SIN3B: variants seen among roughly 807,000 people sequenced by gnomAD.
SIN3B encodes SIN3 transcription regulator family member B.
SIN3B carries 19 observed loss-of-function variants against 120.2 expected under a neutral mutation model. The ratio of observed to expected loss-of-function variants is 0.16; its 90% CI spans 0.11 to 0.23. SIN3B has a LOEUF of 0.23. Among genes scored for constraint, SIN3B ranks in the 10% least tolerant of loss-of-function variants. The pLI, the probability that SIN3B is intolerant of heterozygous loss-of-function variation, is 1.00. For missense variants in SIN3B, 1,073 were observed against 1,573.0 expected, an observed-to-expected ratio of 0.68 and a Z score of 5.38; for synonymous variants, 654 against 653.2, an observed-to-expected ratio of 1.00 and a Z score of -0.02.
chr19:16,871,223 C>T lies in SIN3B; in HGVS notation c.2423-6C>T. The T allele has an allele frequency of 6.2e-7, 1 of 1,614,092 alleles. No homozygotes were observed. Among genetic ancestry groups the T allele is most frequent in the Non-Finnish European group, 8.5e-7 (1 of 1,179,958 alleles). ...GGCATATGGATGAGGCGGTGTGTCT[C>T]CGCAGGTGAAGTGGAGCTGGAGGAG... On this transcript the variant is annotated splice_polypyrimidine_tract_variant and splice_region_variant and intron_variant, in intron 13 of 18. Transcript: ENST00000248054.
intron 6 of SIN3B, among the ~76,000 whole-genome samples, chr19:16,852,363 A>T (rs1971556763): frequency 6.6e-6 from 1 of 152,126 alleles, no homozygotes; most frequent in South Asian, 2.1e-4. Flanking sequence ...TCTGGGCTCT[A>T]GCTGTCCTCT....
intron 8 of SIN3B, among the ~76,000 whole-genome samples, chr19:16,857,939 C>A (rs920121482): frequency 6.6e-6 from 1 of 152,062 alleles, no homozygotes; most frequent in South Asian, 2.1e-4. Context: ...TGCAATGGTG[C>A]GATCTCAGCT....
chr19:16,835,656 A>G (rs1224264309), intron 3 of SIN3B, among the ~76,000 whole-genome samples: 1 of 151,930 alleles, frequency 6.6e-6, no homozygotes, highest in Non-Finnish European at 1.5e-5. Context: ...AGTAGCTGCT[A>G]TTACAGGCAT....
intron 8 of SIN3B, among the ~76,000 whole-genome samples, chr19:16,858,165 C>A (rs1046751125): frequency 4.9e-4 from 74 of 152,328 alleles, no homozygotes; most frequent in African/African-American, 1.7e-3. Flanking sequence ...GTGTGAGCCA[C>A]GGCGCCCAGG....
chr19:16,846,857 C>A, intron 4 of SIN3B, 113 bp from the exon 5 acceptor site: 3 of 1,170,000 alleles, frequency 2.6e-6, no homozygotes, highest in Non-Finnish European at 2.4e-6. Flanking sequence ...CGGGCAGGTG[C>A]TCTTTCCTGA....
chr19:16,863,112 G>A, intron 9 of SIN3B: 1 of 684,004 alleles, frequency 1.5e-6, no homozygotes, highest in Non-Finnish European at 2.6e-6. Context: ...GCAGAGTTGA[G>A]TATTCATCTG....
chr19:16,867,799 C>T (rs886748030), intron 12 of SIN3B, among the ~76,000 whole-genome samples: 11 of 152,186 alleles, frequency 7.2e-5, no homozygotes, highest in African/African-American at 2.2e-4. Flanking sequence ...CCTCCCTTCC[C>T]GTGGGCCACC....
intron 5 of SIN3B, among the ~76,000 whole-genome samples, 181 bp downstream of exon 5, chr19:16,847,294 A>G (rs1401857644): frequency 2.6e-5 from 4 of 152,242 alleles, no homozygotes; most frequent in African/African-American, 4.8e-5. Flanking sequence ...CTGCACAGCA[A>G]GCTCGTAAAC....
chr19:16,832,886 C>T (rs900759191), intron 3 of SIN3B, among the ~76,000 whole-genome samples: 2 of 152,088 alleles, frequency 1.3e-5, no homozygotes, highest in South Asian at 4.1e-4. Flanking sequence ...TTAAGATTTC[C>T]TTTTATAAGA....
chr19:16,875,737 C>T (rs1274398702), intron 14 of SIN3B, among the ~76,000 whole-genome samples: 2 of 118,882 alleles, frequency 1.7e-5, no homozygotes, highest in African/African-American at 3.4e-5. Flanking sequence ...CTGGTCTGGT[C>T]GGTTTGGTCT....
chr19:16,870,481 T>A (rs1263846203), intron 13 of SIN3B, among the ~76,000 whole-genome samples: 1 of 151,958 alleles, frequency 6.6e-6, no homozygotes, highest in Non-Finnish European at 1.5e-5. Context: ...ACTTCCCAGG[T>A]TCAAGTGATT....
At position 16,829,850 on chromosome 19, in the gene SIN3B, C is replaced by T. The variant is rs1685252999; in HGVS notation, c.180C>T (p.Ala60=). 6.2e-7 allele frequency: 1 copy of T among 1,613,598 alleles called. No homozygotes were observed. The highest frequency in any genetic ancestry group is 1.7e-5 in the Admixed American group (1 of 59,964). The change falls in exon 2 of 19, where the codon GCC becomes GCT. Residue 60 remains alanine, a synonymous_variant. Coordinates refer to ENST00000248054, the MANE Select transcript of SIN3B (RefSeq NM_001297595.2). ...QVKIRFGSDP[A]TYNGFLEIMK... ...AGATCCGCTTTGGCAGCGACCCTGC[C>T]ACCTACAACGGCTTCCTGGAGATCA...
In SIN3B at chr19:16,830,045, G is replaced by C. The variant is rs189944406; in HGVS notation, c.227+148G>C. 2.6e-3 allele frequency: 1,568 copies of C among 601,998 alleles called. 25 individuals are homozygous for C. Among genetic ancestry groups the C allele is most frequent in the South Asian group, 0.023 (1,136 of 49,384 alleles). The allele number at this position is 601,998 out of a possible 1,614,324, so 37.3% of individuals were successfully genotyped here. The stretch of plus-strand genomic sequence containing the variant: ...TCTCTCAGAGCCCTAGCTCCTTCTC[G>C]TAACAAAAATGGAAATGGGTAGTAC... On this transcript the variant is annotated intron_variant, in intron 2 of 18. Coordinates refer to ENST00000248054, the MANE Select transcript of SIN3B (RefSeq NM_001297595.2).
rs953571896 is a variant in SIN3B, at chr19:16,874,628, G to A, written c.2593-1427G>A. Among the ~76,000 whole-genome samples the A allele has an allele frequency of 1.0e-4, 15 of 148,430 alleles. 1 individual carries two copies. ...TTTGGTCTGGTCTGGTCTGGTTTTG[G>A]TCTGGTCTGGTCTGATCTGATCTGG... On this transcript the variant is annotated intron_variant, in intron 14 of 18. Transcript: ENST00000248054.
intron 3 of SIN3B, among the ~76,000 whole-genome samples, chr19:16,838,980 T>TG (rs1021096559): frequency 6.7e-6 from 1 of 150,212 alleles, no homozygotes; most frequent in Non-Finnish European, 1.5e-5. Context: ...CTTTTTTTTT[T>TG]TTTTTTTTTT....
At chr19:16,861,705 GT>G (rs1323122550) in intron 8 of SIN3B, among the ~76,000 whole-genome samples, 1 of 151,376 alleles carries the variant, frequency 6.6e-6, no homozygotes, top group African/African-American at 2.4e-5. Flanking sequence ...GGAGGTTGAA[GT>G]GAGCCGAGAT....
At position 16,847,105 on chromosome 19, in the gene SIN3B, C is replaced by A. The variant is rs781013600; in HGVS notation, c.718C>A (p.Arg240=). The A allele has an allele frequency of 3.1e-6, 5 of 1,611,232 alleles. No homozygotes were observed. The South Asian group carries it at 4.4e-5, about 14-fold the overall frequency. The part of the protein sequence containing the change: ...EFGQFLPEAK[R]SLFTGNGPCE... Reference sequence around the variant, plus strand: ...TGGACAGTTCCTGCCCGAAGCCAAGCGGTCTCTGGTGAGTGCCGAGAGCCC... The same window carrying A: ...TGGACAGTTCCTGCCCGAAGCCAAGAGGTCTCTGGTGAGTGCCGAGAGCCC... Residue 240 remains arginine, a synonymous_variant, in exon 5 of 19, where the codon CGG becomes AGG. Transcript: ENST00000248054.
chr19:16,851,483 C>A lies in SIN3B; in HGVS notation c.798C>A (p.Ser266Arg). 1 of 1,609,850 alleles carries A rather than the reference C, an allele frequency of 6.2e-7. No homozygotes were observed. Among genetic ancestry groups the A allele is most frequent in the Non-Finnish European group, 8.5e-7 (1 of 1,178,344 alleles). Residue 266 changes from serine to arginine, a missense_variant, in exon 6 of 19, where the codon AGC becomes AGA. Physicochemically the swap from Ser to Arg is moderately radical, Grantham distance 110. This residue lies in a region of SIN3B where 395 missense variants were observed against 528.0 expected (regional missense o/e 0.75). Coordinates refer to ENST00000248054, the MANE Select transcript of SIN3B (RefSeq NM_001297595.2). ...AGCACGACAAGACCCCGGAGCACAG[C>A]AGGAAGCGCTCCCGGCCCTCGCTCC... The part of the protein sequence containing the change: ...KNEHDKTPEH[S>R]RKRSRPSLLR...
chr19:16,877,813 T>C (rs1055466694), intron 17 of SIN3B, among the ~76,000 whole-genome samples, 174 bp downstream of exon 17: 3 of 151,988 alleles, frequency 2.0e-5, no homozygotes, highest in African/African-American at 7.3e-5. Context: ...AGTGGAGGGA[T>C]TAGTAACCCC....
Sources: allele counts gnomAD v4.1 joint callset (sites outside exome capture counted in the v4.1 genomes callset), GRCh38; gene constraint gnomAD v4.1.1; regional missense constraint gnomAD v4.1.1; transcripts MANE v1.5; gene names NCBI Gene and HGNC (gene_info 2026-07-23, HGNC 2026-07-21).